The following FDX1 variants were observed in gnomAD, a reference collection of about 807,000 sequenced individuals.
FDX1 encodes adrenodoxin, mitochondrial.
In FDX1, 9 loss-of-function variants were observed where a neutral mutation model predicts 14.9. That is an observed-to-expected ratio of 0.60 (90% CI 0.36 to 1.05). FDX1 has a LOEUF of 1.05. FDX1 is among the 50% of genes least tolerant of loss of function. FDX1 has a pLI of 0.01. For missense variants in FDX1, 204 were observed against 237.2 expected (o/e 0.86, Z 0.92); for synonymous variants, 92 against 99.4 (o/e 0.93, Z 0.44).
At chr11:110,444,122 A>G (rs1946422941) in intron 2 of FDX1, among the ~76,000 whole-genome samples, 1 of 152,124 alleles carries the variant, frequency 6.6e-6, no homozygotes. Flanking sequence ...AGACTTAGCC[A>G]AAAATCCTTT....
rs573044140 is a variant in FDX1, at chr11:110,463,258, G to A, written c.*790G>A. On this transcript the variant is annotated 3_prime_UTR_variant, in exon 4 of 4. Transcript: ENST00000260270. The stretch of plus-strand genomic sequence containing the variant: ...GCCTATAACAGAATGGAAACCTTAT[G>A]AATGAATTGTGTTTCTCTGTCCTGA... The A allele has an allele frequency of 5.3e-5, 8 of 152,336 alleles. No individual in the cohort carries two copies. The highest frequency in any genetic ancestry group is 5.2e-4 in the Admixed American group (8 of 15,294). The allele number at this position is 152,336 out of a possible 1,614,324, so 9.4% of individuals were successfully genotyped here.
Position 110,456,976 on chromosome 11 carries a change from A to G in FDX1, c.369A>G (p.Ile123Met), listed in dbSNP as rs767320021. The change falls in exon 3 of 4, where the codon ATA becomes ATG. Residue 123 changes from isoleucine to methionine, a missense_variant. By Grantham distance (10) the Ile-to-Met change is conservative. Transcript: ENST00000260270. Reference protein sequence around the residue: ...STCHLIFEDHIYEKLDAITDE... With the variant: ...STCHLIFEDHMYEKLDAITDE... ...GTCACCTCATCTTTGAAGATCACAT[A>G]TATGAGAAGTTAGATGCAATCACTG... 5 of 1,613,772 alleles carry G rather than the reference A, an allele frequency of 3.1e-6. No individual in the cohort carries two copies. Among genetic ancestry groups the G allele is most frequent in the East Asian group, 2.2e-5 (1 of 44,864 alleles).
intron 2 of FDX1, among the ~76,000 whole-genome samples, chr11:110,455,242 C>T (rs1376419129): frequency 6.6e-6 from 1 of 151,964 alleles, no homozygotes; most frequent in African/African-American, 2.4e-5. Context: ...TCACGTGATC[C>T]ATCTGCCTCG....
chr11:110,430,287 C>T lies in FDX1; in HGVS notation c.167C>T (p.Ser56Leu), dbSNP rs896700985. The T allele has an allele frequency of 5.4e-5, 65 of 1,199,188 alleles. No homozygotes were observed. Among genetic ancestry groups the T allele is most frequent in the Non-Finnish European group, 5.8e-5 (56 of 966,870 alleles). 74.3% of individuals were successfully genotyped at this position (1,199,188 alleles called of 1,614,324 possible). A position where few individuals can be genotyped will look rare whatever the true frequency, so the allele number is the denominator to read the frequency against. The part of the protein sequence containing the change: ...SAEASRSLSV[S>L]ARARSSSEDK... Reference sequence around the variant, plus strand: ...GAGGCGAGCCGGTCGCTGAGCGTGTCGGCGCGGGCCCGGAGCAGGTAGGGC... The same window carrying T: ...GAGGCGAGCCGGTCGCTGAGCGTGTTGGCGCGGGCCCGGAGCAGGTAGGGC... Residue 56 changes from serine (S) to leucine (L), a missense_variant, in exon 1 of 4, where the codon TCG becomes TTG. Physicochemically the swap from Ser to Leu is moderately radical, Grantham distance 145. Transcript: ENST00000260270.
intron 2 of FDX1, among the ~76,000 whole-genome samples, chr11:110,441,421 C>CCAAAA (rs1946403531): frequency 6.6e-6 from 1 of 152,154 alleles, no homozygotes; most frequent in South Asian, 2.1e-4. Flanking sequence ...GGCCAAAATG[C>CCAAAA]TGATAACGAT....
At chr11:110,436,816 A>G (rs1351271111) in intron 2 of FDX1, among the ~76,000 whole-genome samples, 2 of 152,032 alleles carry the variant, frequency 1.3e-5, no homozygotes, top group Non-Finnish European at 1.5e-5. Flanking sequence ...CTGTTTTCCC[A>G]TGATATATTA....
chr11:110,462,100 G>A (rs974075158), intron 3 of FDX1, among the ~76,000 whole-genome samples: 1 of 152,148 alleles, frequency 6.6e-6, no homozygotes, highest in African/African-American at 2.4e-5. Flanking sequence ...TGGTGAAACA[G>A]TTAATAGATA....
intron 2 of FDX1, among the ~76,000 whole-genome samples, chr11:110,445,419 G>A (rs865989512): frequency 6.6e-6 from 1 of 151,284 alleles, no homozygotes; most frequent in African/African-American, 2.4e-5. Context: ...TTTTTAAACC[G>A]CAGGTGACAA....
intron 2 of FDX1, among the ~76,000 whole-genome samples, chr11:110,451,003 A>G (rs1048998844): frequency 2.0e-5 from 3 of 151,948 alleles, no homozygotes; most frequent in African/African-American, 4.8e-5. Flanking sequence ...GTATACCCAT[A>G]TTGTGATCAG....
rs193194884 is a variant in FDX1, at chr11:110,458,326, A to G, written c.440+1279A>G. Among the ~76,000 whole-genome samples the G allele has an allele frequency of 3.8e-4, 58 of 152,346 alleles. 1 individual carries two copies. The highest frequency in any genetic ancestry group is 3.2e-3 in the Admixed American group (49 of 15,300). On this transcript the variant is annotated intron_variant, in intron 3 of 3. Transcript: ENST00000260270. ...ACAGCTACACAATAGAGAGCAAGGA[A>G]TAGCTTTTATGGTGTTTTATAGCTG...
intron 2 of FDX1, among the ~76,000 whole-genome samples, chr11:110,452,147 CT>C (rs1946490365): frequency 6.6e-6 from 1 of 151,998 alleles, no homozygotes; most frequent in Non-Finnish European, 1.5e-5. Context: ...AAGAAAAAAT[CT>C]TTAGGACCTG....
chr11:110,437,230 G>A (rs1946375992), intron 2 of FDX1, among the ~76,000 whole-genome samples: 1 of 152,182 alleles, frequency 6.6e-6, no homozygotes, highest in Non-Finnish European at 1.5e-5. Context: ...CTGGGCTCAA[G>A]AGATCTTCCT....
At chr11:110,443,273 C>A (rs76520647) in intron 2 of FDX1, among the ~76,000 whole-genome samples, 1 of 148,672 alleles carries the variant, frequency 6.7e-6, no homozygotes, top group South Asian at 2.1e-4. Flanking sequence ...TGCCCTGCCC[C>A]GCTACCTTTT....
At chr11:110,440,623 A>G (rs572722865) in intron 2 of FDX1, among the ~76,000 whole-genome samples, 80 of 152,342 alleles carry the variant, frequency 5.3e-4, no homozygotes, top group African/African-American at 1.7e-3. Context: ...TTAAATCTTA[A>G]TATCTCATAA....
intron 2 of FDX1, among the ~76,000 whole-genome samples, chr11:110,443,597 C>T (rs1485123535): frequency 1.3e-5 from 2 of 151,990 alleles, no homozygotes; most frequent in East Asian, 1.9e-4. Flanking sequence ...TCTACCACCA[C>T]GCCCACCTAA....
chr11:110,438,642 C>T (rs920110479), intron 2 of FDX1, among the ~76,000 whole-genome samples: 3 of 151,940 alleles, frequency 2.0e-5, no homozygotes, highest in Non-Finnish European at 4.4e-5. Flanking sequence ...TGATTATTTT[C>T]AAATTTTATA....
At chr11:110,457,380 T>C (rs1166160980) in intron 3 of FDX1, among the ~76,000 whole-genome samples, 2 of 151,466 alleles carry the variant, frequency 1.3e-5, no homozygotes, top group Admixed American at 6.6e-5. Flanking sequence ...TATTTGATAA[T>C]TGAACACAAT....
At chr11:110,437,583 T>C (rs1422952437) in intron 2 of FDX1, among the ~76,000 whole-genome samples, 2 of 152,222 alleles carry the variant, frequency 1.3e-5, no homozygotes, top group Admixed American at 1.3e-4. Flanking sequence ...TTTTTCCGTA[T>C]GTTTGTTGGC....
chr11:110,442,230 G>A (rs1167515479), intron 2 of FDX1, among the ~76,000 whole-genome samples: 2 of 152,218 alleles, frequency 1.3e-5, no homozygotes, highest in African/African-American at 2.4e-5. Flanking sequence ...TGGGGTTGGA[G>A]CCCCCACACA....
Sources: allele counts gnomAD v4.1 joint callset (sites outside exome capture counted in the v4.1 genomes callset), GRCh38; gene constraint gnomAD v4.1.1; transcripts MANE v1.5; gene names NCBI Gene and HGNC (gene_info 2026-07-23, HGNC 2026-07-21).